MAP3K1: variants seen among roughly 807,000 people sequenced by gnomAD.
MAP3K1 encodes the protein mitogen-activated protein kinase kinase kinase 1, also known as MAP/ERK kinase kinase 1.
Under a neutral mutation model 144.2 loss-of-function variants are expected in MAP3K1, and 36 were observed. That is an observed-to-expected ratio of 0.25 (90% CI 0.19 to 0.33). The LOEUF (loss-of-function observed/expected upper bound fraction) is 0.33, where lower values mean the gene tolerates loss of function less well. Among genes scored for constraint, MAP3K1 ranks in the 10% least tolerant of loss-of-function variants. The pLI, the probability that MAP3K1 is intolerant of heterozygous loss-of-function variation, is 1.00. For synonymous variants in MAP3K1, 718 were observed against 688.7 expected (o/e 1.04, Z -0.67); for missense variants, 1,650 against 1,881.9 (o/e 0.88, Z 2.28).
At chr5:56,869,562 A>G (rs1214191008) in intron 6 of MAP3K1, among the ~76,000 whole-genome samples, 6 of 152,240 alleles carry the variant, frequency 3.9e-5, no homozygotes, top group African/African-American at 1.4e-4. Flanking sequence ...GAAATAGTGC[A>G]TATATATACA....
At chr5:56,864,113 A>G (rs751016904) in intron 3 of MAP3K1, among the ~76,000 whole-genome samples, 8 of 152,120 alleles carry the variant, frequency 5.3e-5, no homozygotes, top group South Asian at 2.1e-4. Flanking sequence ...TATACTTTCT[A>G]TGCTTTTTGT....
rs568356148 is a variant in MAP3K1, at chr5:56,819,161, C to T, written c.482+3106C>T. Among the ~76,000 whole-genome samples the T allele has an allele frequency of 2.4e-4, 36 of 152,220 alleles. 1 individual carries two copies. In the South Asian group the frequency reaches 7.3e-3, roughly 31 times the overall value. On this transcript the variant is annotated intron_variant, in intron 1 of 19. Coordinates refer to ENST00000399503, the MANE Select transcript of MAP3K1 (RefSeq NM_005921.2). Reference sequence around the variant, plus strand: ...TAATTCTGGAAGAGAAATATAAGAGCTAGAATTGTTGCCAACTTTTATTTT... The same window carrying T: ...TAATTCTGGAAGAGAAATATAAGAGTTAGAATTGTTGCCAACTTTTATTTT...
chr5:56,852,143 G>A (rs899425202), intron 1 of MAP3K1: 2 of 151,792 alleles, frequency 1.3e-5, no homozygotes, highest in Non-Finnish European at 2.9e-5. Context: ...TATTTATGAA[G>A]TTTTTTTGTG....
rs534186951 is a variant in MAP3K1 at position 56,887,578 on chromosome 5, A to G, written c.4257+58A>G. The G allele has an allele frequency of 1.1e-3, 1,645 of 1,566,412 alleles. 5 individuals carry two copies. Among genetic ancestry groups the G allele is most frequent in the Middle Eastern group, 4.7e-3 (28 of 5,970 alleles). ...ATATTTTGGAATTCTGTGTAACAGC[A>G]TTATACTAAATTATCTTGCAGTGGT... On this transcript the variant is annotated intron_variant, in intron 18 of 19. Transcript: ENST00000399503.
chr5:56,893,766 G>C lies in MAP3K1; in HGVS notation c.*86G>C. The stretch of plus-strand genomic sequence containing the variant: ...GGGGAACCACATTGATATTCTACTG[G>C]CCATGATGCCACTGAACAGCTATGA... On this transcript the variant is annotated 3_prime_UTR_variant, in exon 20 of 20. Coordinates refer to ENST00000399503, the MANE Select transcript of MAP3K1 (RefSeq NM_005921.2). 1 of 1,420,986 alleles carries C rather than the reference G, an allele frequency of 7.0e-7. No homozygotes were observed. The highest frequency in any genetic ancestry group is 9.8e-7 in the Non-Finnish European group (1 of 1,023,822). The allele number at this position is 1,420,986 out of a possible 1,614,324, so 88.0% of individuals were successfully genotyped here. A position where few individuals can be genotyped will look rare whatever the true frequency, so the allele number is the denominator to read the frequency against.
chr5:56,881,751 A>G lies in MAP3K1; in HGVS notation c.2551A>G (p.Arg851Gly). Reference protein sequence around the residue: ...LSVSSSTHFTRMRRRLMAIAD... With the variant: ...LSVSSSTHFTGMRRRLMAIAD... ...TGTTTCCAGTTCCACTCACTTCACCAGGATGCGTCGCCGTTTGATGGCTAT... is the reference window on the plus strand; with the variant it reads ...TGTTTCCAGTTCCACTCACTTCACCGGGATGCGTCGCCGTTTGATGGCTAT... The change falls in exon 14 of 20, where the codon AGG becomes GGG. Residue 851 changes from arginine (R) to glycine (G), a missense_variant. This residue lies in a region of MAP3K1 where 841 missense variants were observed against 886.5 expected (regional missense o/e 0.95). Transcript: ENST00000399503. 6.2e-7 allele frequency: 1 copy of G among 1,614,164 alleles called. No individual in the cohort carries two copies. Among genetic ancestry groups the G allele is most frequent in the Non-Finnish European group, 8.5e-7 (1 of 1,180,032 alleles).
chr5:56,854,447 AAAAG>A (rs1363494709), intron 1 of MAP3K1, among the ~76,000 whole-genome samples: 6 of 151,156 alleles, frequency 4.0e-5, no homozygotes, highest in Middle Eastern at 3.4e-3. Flanking sequence ...AAAAAAAAAA[AAAAG>A]AAAGAAAAAA....
intron 6 of MAP3K1, among the ~76,000 whole-genome samples, chr5:56,868,026 G>A (rs116471330): frequency 0.026 from 3,982 of 152,178 alleles, 192 homozygotes; most frequent in African/African-American, 0.09. Flanking sequence ...TATAGAAAAG[G>A]TATTACAAGT....
At chr5:56,864,409 G>A (rs1057051283) in intron 3 of MAP3K1, among the ~76,000 whole-genome samples, 2 of 142,066 alleles carry the variant, frequency 1.4e-5, no homozygotes, top group African/African-American at 2.6e-5. Flanking sequence ...ATGGAGCCTC[G>A]CTCTGTTGCC....
At chr5:56,842,378 A>G (rs1279711211) in intron 1 of MAP3K1, among the ~76,000 whole-genome samples, 1 of 152,226 alleles carries the variant, frequency 6.6e-6, no homozygotes, top group East Asian at 1.9e-4. Flanking sequence ...AGTTAATCAA[A>G]CTACTTAATC....
intron 1 of MAP3K1, among the ~76,000 whole-genome samples, chr5:56,827,069 G>A (rs1004452212): frequency 1.3e-5 from 2 of 152,332 alleles, no homozygotes; most frequent in African/African-American, 4.8e-5. Context: ...AGGAGGTTTT[G>A]TGGCCTAGGG....
chr5:56,893,488 G>A (rs1748609767), intron 19 of MAP3K1, 43 bp from the exon 20 acceptor site: 1 of 1,607,340 alleles, frequency 6.2e-7, no homozygotes, highest in Admixed American at 1.7e-5. Context: ...TGTATCAGAA[G>A]TTACAGTTGT....
At chr5:56,860,067 T>C (rs975212024) in intron 3 of MAP3K1, 152 bp downstream of exon 3, 13 of 720,270 alleles carry the variant, frequency 1.8e-5, no homozygotes, top group Non-Finnish European at 3.1e-5. Context: ...CCTGAGACCC[T>C]TTCTGGGGTC....
chr5:56,882,795 C>A lies in MAP3K1; in HGVS notation c.3595C>A (p.Gln1199Lys). The A allele has an allele frequency of 6.2e-7, 1 of 1,611,722 alleles. No homozygotes were observed. Among genetic ancestry groups the A allele is most frequent in the Non-Finnish European group, 8.5e-7 (1 of 1,179,196 alleles). ...AATTGCCATGGCAATGTCAGCGTCTCAGGATGCCCTCCCCATAGTTCCTCA... is the reference window on the plus strand; with the variant it reads ...AATTGCCATGGCAATGTCAGCGTCTAAGGATGCCCTCCCCATAGTTCCTCA... ...LAIAMAMSAS[Q>K]DALPIVPQLQ... The change falls in exon 14 of 20, where the codon CAG becomes AAG. Residue 1199 changes from glutamine to lysine, a missense_variant. Coordinates refer to ENST00000399503, the MANE Select transcript of MAP3K1 (RefSeq NM_005921.2).
Position 56,882,042 on chromosome 5 carries a change from ACAACAG to A in MAP3K1, c.2843_2848del (p.Thr948_Glu950delinsLys). On this transcript the variant is annotated inframe_deletion, in exon 14 of 20. Coordinates refer to ENST00000399503, the MANE Select transcript of MAP3K1 (RefSeq NM_005921.2). ...TAGTTCAACAACAACAACAACAACA[ACAACAG>A]AGCAACCAAAGCCAATGGTTCAAAC... 6.2e-7 allele frequency: 1 copy of A among 1,613,856 alleles called. No homozygotes were observed. The highest frequency in any genetic ancestry group is 8.5e-7 in the Non-Finnish European group (1 of 1,179,834).
chr5:56,852,564 A>G (rs1482306958), intron 1 of MAP3K1, among the ~76,000 whole-genome samples: 5 of 152,200 alleles, frequency 3.3e-5, no homozygotes, highest in African/African-American at 4.8e-5. Context: ...TTGATCTGTA[A>G]TAGTGCTTAA....
intron 1 of MAP3K1, among the ~76,000 whole-genome samples, chr5:56,852,594 C>G (rs192103525): frequency 6.6e-4 from 100 of 152,240 alleles, no homozygotes; most frequent in Admixed American, 1.0e-3. Context: ...ATTTTTCTGA[C>G]CACAATTTTA....
intron 3 of MAP3K1, among the ~76,000 whole-genome samples, chr5:56,862,706 A>C (rs1346106904): frequency 6.6e-6 from 1 of 152,242 alleles, no homozygotes; most frequent in Non-Finnish European, 1.5e-5. Context: ...TGTATCTGTG[A>C]ACATATCCAT....
chr5:56,846,653 T>A (rs1194068485), intron 1 of MAP3K1, among the ~76,000 whole-genome samples: 1 of 152,248 alleles, frequency 6.6e-6, no homozygotes, highest in Admixed American at 6.5e-5. Flanking sequence ...TATATCTCCA[T>A]GTCCCCCTCT....
Sources: gnomAD v4.1 joint callset for allele counts (sites outside exome capture counted in the v4.1 genomes callset) on GRCh38, gnomAD v4.1.1 for gene constraint, gnomAD v4.1.1 regional missense constraint, MANE v1.5 for transcripts, NCBI Gene and HGNC (gene_info 2026-07-23, HGNC 2026-07-21) for gene names.